CDK14: variants seen among roughly 807,000 people sequenced by gnomAD.
The protein encoded by CDK14 is cyclin dependent kinase 14.
In CDK14, 34 loss-of-function variants were observed where a neutral mutation model predicts 60.7. The observed-to-expected ratio is 0.56, with a 90% confidence interval of 0.43 to 0.75. The LOEUF (loss-of-function observed/expected upper bound fraction) is 0.75. Ranked by LOEUF, CDK14 falls within the 30% of genes least tolerant of loss-of-function variation. The pLI is 0.00. For missense variants in CDK14, 482 were observed against 564.1 expected (o/e 0.85, Z 1.47); for synonymous variants, 197 against 203.7 (o/e 0.97, Z 0.28).
intron 2 of CDK14, among the ~76,000 whole-genome samples, chr7:90,655,635 A>G (rs1255684642): frequency 6.6e-6 from 1 of 152,228 alleles, no homozygotes; most frequent in Non-Finnish European, 1.5e-5. Context: ...TGAGCAACGT[A>G]CTCAACCACT....
chr7:90,858,382 G>A (rs755344589), intron 5 of CDK14, among the ~76,000 whole-genome samples: 4 of 152,086 alleles, frequency 2.6e-5, no homozygotes, highest in East Asian at 1.9e-4. Flanking sequence ...GGGGGAAAAC[G>A]GTTAAAGAAA....
At chr7:90,963,006 T>C (rs1794645509) in intron 9 of CDK14, among the ~76,000 whole-genome samples, 2 of 151,844 alleles carry the variant, frequency 1.3e-5, no homozygotes, top group Non-Finnish European at 2.9e-5. Flanking sequence ...GCTGCTCTAT[T>C]TGGTTTTAGG....
chr7:90,679,191 A>G (rs1019257960), intron 2 of CDK14, among the ~76,000 whole-genome samples: 1 of 152,112 alleles, frequency 6.6e-6, no homozygotes, highest in African/African-American at 2.4e-5. Context: ...GGCTCAAGTA[A>G]TCCTCCTGCA....
intron 2 of CDK14, among the ~76,000 whole-genome samples, chr7:90,695,072 C>T (rs1403718848): frequency 6.6e-6 from 1 of 152,196 alleles, no homozygotes; most frequent in Non-Finnish European, 1.5e-5. Context: ...CAAGATGACA[C>T]TCAACTCAGG....
intron 5 of CDK14, among the ~76,000 whole-genome samples, chr7:90,823,487 AGGCTTCC>A (rs1789619507): frequency 6.6e-6 from 1 of 152,180 alleles, no homozygotes; most frequent in Non-Finnish European, 1.5e-5. Context: ...CGTGGCACAA[AGGCTTCC>A]GGCACAGAGA....
At chr7:90,895,359 A>T (rs190383546) in intron 6 of CDK14, among the ~76,000 whole-genome samples, 3,852 of 10,274 alleles carry the variant, frequency 0.37, 368 homozygotes, top group South Asian at 0.45. Flanking sequence ...TCCTCTCCTC[A>T]CCTCTCCTCC....
chr7:90,984,428 G>A (rs1010401711), intron 10 of CDK14, among the ~76,000 whole-genome samples, 187 bp downstream of exon 10: 7 of 152,134 alleles, frequency 4.6e-5, no homozygotes, highest in African/African-American at 1.4e-4. Flanking sequence ...ACTACTGTAC[G>A]TGAATAACAT....
At chr7:91,126,776 T>C (rs537914209) in intron 14 of CDK14, among the ~76,000 whole-genome samples, 1 of 151,864 alleles carries the variant, frequency 6.6e-6, no homozygotes, top group African/African-American at 2.4e-5. Context: ...AGTATTCTCA[T>C]TAGGTAGCTG....
At chr7:91,183,235 C>T (rs1802060867) in intron 14 of CDK14, among the ~76,000 whole-genome samples, 1 of 152,192 alleles carries the variant, frequency 6.6e-6, no homozygotes, top group South Asian at 2.1e-4. Flanking sequence ...CTTACTAAAA[C>T]AGCACAGAGT....
intron 7 of CDK14, among the ~76,000 whole-genome samples, chr7:90,901,933 C>T (rs766430956): frequency 4.0e-5 from 6 of 151,880 alleles, no homozygotes; most frequent in Non-Finnish European, 8.8e-5. Flanking sequence ...GATACAAAAT[C>T]AACATATAAA....
chr7:90,960,009 CA>C (rs1794553733), intron 9 of CDK14, among the ~76,000 whole-genome samples: 1 of 151,970 alleles, frequency 6.6e-6, no homozygotes, highest in Non-Finnish European at 1.5e-5. Flanking sequence ...GCTTCTAAAC[CA>C]AAAAGGCTTA....
chr7:91,095,839 AT>A (rs1222492484), intron 12 of CDK14, among the ~76,000 whole-genome samples: 1 of 152,080 alleles, frequency 6.6e-6, no homozygotes, highest in Non-Finnish European at 1.5e-5. Flanking sequence ...ATTTTGGGTG[AT>A]TATTTTTCTA....
intron 14 of CDK14, among the ~76,000 whole-genome samples, chr7:91,173,863 GGCA>G (rs1325845816): frequency 6.6e-6 from 1 of 152,202 alleles, no homozygotes; most frequent in African/African-American, 2.4e-5. Flanking sequence ...ACTGCAAGGC[GGCA>G]GCGAGGCTGG....
intron 10 of CDK14, among the ~76,000 whole-genome samples, chr7:90,985,028 C>T (rs1338886751): frequency 6.6e-6 from 1 of 152,078 alleles, no homozygotes; most frequent in Non-Finnish European, 1.5e-5. Context: ...TTGTTAATAT[C>T]AATATACCAA....
intron 2 of CDK14, among the ~76,000 whole-genome samples, chr7:90,631,410 T>G (rs1160348225): frequency 6.6e-6 from 1 of 152,086 alleles, no homozygotes; most frequent in Non-Finnish European, 1.5e-5. Flanking sequence ...TGATAAGGTA[T>G]GAGGTAGAGT....
intron 5 of CDK14, among the ~76,000 whole-genome samples, chr7:90,844,659 C>A (rs1166624370): frequency 6.6e-6 from 1 of 152,116 alleles, no homozygotes; most frequent in Non-Finnish European, 1.5e-5. Flanking sequence ...ATCTGTTGTT[C>A]ATGTGATCTT....
chr7:90,639,296 A>G (rs939589927), intron 2 of CDK14, among the ~76,000 whole-genome samples: 20 of 151,840 alleles, frequency 1.3e-4, no homozygotes, highest in Non-Finnish European at 2.8e-4. Context: ...TGATGTACAG[A>G]TGGGTTTTTG....
chr7:91,025,193 A>G (rs1306663683), intron 10 of CDK14, among the ~76,000 whole-genome samples: 1 of 152,132 alleles, frequency 6.6e-6, no homozygotes, highest in East Asian at 1.9e-4. Context: ...ATTCTGTTTT[A>G]TATTATGAAT....
At chr7:91,091,501 T>TTA (rs56670195) in intron 12 of CDK14, among the ~76,000 whole-genome samples, 1,019 of 88,988 alleles carry the variant, frequency 0.011, 81 homozygotes, top group African/African-American at 0.039. Context: ...TTTATATATT[T>TTA]TATATATATA....
Sources: allele counts gnomAD v4.1 joint callset (sites outside exome capture counted in the v4.1 genomes callset), GRCh38; gene constraint gnomAD v4.1.1; transcripts MANE v1.5; gene names NCBI Gene and HGNC (gene_info 2026-07-23, HGNC 2026-07-21).